The following CDC37 variants were observed in gnomAD, a reference collection of about 807,000 sequenced individuals.
CDC37 encodes cell division cycle 37, HSP90 cochaperone.
In CDC37, 9 loss-of-function variants were observed where a neutral mutation model predicts 46.9. The observed-to-expected ratio is 0.19, with a 90% confidence interval of 0.12 to 0.33. The LOEUF is 0.33. Among genes scored for constraint, CDC37 ranks in the 10% least tolerant of loss-of-function variants. CDC37 has a pLI of 1.00. For synonymous variants in CDC37, 193 were observed against 191.0 expected, an observed-to-expected ratio of 1.01 and a Z score of -0.09; for missense variants, 388 against 514.6, an observed-to-expected ratio of 0.75 and a Z score of 2.38.
At chr19:10,394,039 G>A (rs1218978625) in intron 5 of CDC37, among the ~76,000 whole-genome samples, 2 of 152,102 alleles carry the variant, frequency 1.3e-5, no homozygotes, top group Non-Finnish European at 2.9e-5. Flanking sequence ...GCAGTGAGCC[G>A]AGATCGTGCT....
At position 10,391,419 on chromosome 19, in the gene CDC37, G is replaced by C; in HGVS notation, c.*132C>G. 9.2e-7 allele frequency: 1 copy of C among 1,081,862 alleles called. No individual in the cohort carries two copies. Among genetic ancestry groups the C allele is most frequent in the East Asian group, 2.4e-5 (1 of 42,288 alleles). The allele number at this position is 1,081,862 out of a possible 1,614,324, so 67.0% of individuals were successfully genotyped here. ...GACAGTGGAGAGGCCAGGGAGGGCT[G>C]GGCGGGCCCCCCAGGCTGGGCCGAG... On this transcript the variant is annotated 3_prime_UTR_variant, in exon 8 of 8. Transcript: ENST00000222005.
intron 1 of CDC37, among the ~76,000 whole-genome samples, chr19:10,400,161 CGG>C (rs1555725297): frequency 1.3e-5 from 2 of 151,924 alleles, no homozygotes; most frequent in Non-Finnish European, 2.9e-5. Context: ...CACCTCCTAT[CGG>C]GGAGGGGCTG....
At chr19:10,392,221 T>G (rs565065044) in intron 7 of CDC37, among the ~76,000 whole-genome samples, 1 of 152,250 alleles carries the variant, frequency 6.6e-6, no homozygotes, top group African/African-American at 2.4e-5. Flanking sequence ...GTGAGCCATA[T>G]GGTCTCCATC....
Position 10,393,479 on chromosome 19 carries a change from A to C in CDC37, c.727-38T>G, listed in dbSNP as rs2042470312. 1.3e-5 allele frequency: 20 copies of C among 1,583,464 alleles called. No homozygotes were observed. The highest frequency in any genetic ancestry group is 1.5e-5 in the Non-Finnish European group (17 of 1,165,548). Reference sequence around the variant, plus strand: ...GGCAGTGCTCACTGGACCTGGCCCAACGCTCAGGAGGGACTGGGGGGCCCA... The same window carrying C: ...GGCAGTGCTCACTGGACCTGGCCCACCGCTCAGGAGGGACTGGGGGGCCCA... On this transcript the variant is annotated intron_variant, in intron 5 of 7. Transcript: ENST00000222005. This position sits in a 1 kb window ranked among gnomAD's most constrained non-coding sequence, Gnocchi z 4.9.
At chr19:10,392,867 C>T (rs897565845) in intron 7 of CDC37, 2 of 592,542 alleles carry the variant, frequency 3.4e-6, no homozygotes, top group Non-Finnish European at 6.0e-6. Flanking sequence ...GTGACAGTCA[C>T]GAAGGACATG....
At chr19:10,394,886 A>G in intron 5 of CDC37, 135 bp downstream of exon 5, 2 of 966,012 alleles carry the variant, frequency 2.1e-6, no homozygotes, top group Non-Finnish European at 2.9e-6. Context: ...CCCTGGCCCC[A>G]CCCTCTCCTG....
chr19:10,391,714 G>A lies in CDC37; in HGVS notation c.982-8C>T, dbSNP rs2042458203. On this transcript the variant is annotated splice_polypyrimidine_tract_variant and splice_region_variant and intron_variant, in intron 7 of 7. Transcript: ENST00000222005. ...CATGTGGTACTTTGCGTCCTGTGAG[G>A]AGAAGGCAGGCAGATGAGGTGGGGC... 1.9e-6 allele frequency: 3 copies of A among 1,610,070 alleles called. No homozygotes were observed. The highest frequency in any genetic ancestry group is 2.2e-5 in the South Asian group (2 of 90,970).
At chr19:10,395,904 G>GGGCGCCC in intron 2 of CDC37, 24 bp downstream of exon 2, 1 of 1,541,894 alleles carries the variant, frequency 6.5e-7, no homozygotes, top group Non-Finnish European at 8.9e-7. Flanking sequence ...CATGCGCACT[G>GGGCGCCC]CCCGCCCCGC....
chr19:10,393,440 G>C lies in CDC37; in HGVS notation c.728C>G (p.Thr243Arg), dbSNP rs1475574319. Residue 243 changes from threonine to arginine, a missense_variant and splice_region_variant, in exon 6 of 8, where the codon ACA (threonine) becomes AGA (arginine). Thr to Arg is a moderately conservative substitution (Grantham distance 71). Around this residue, in one of 2 missense-constraint regions of CDC37, gnomAD observed 374 missense variants for 467.4 expected, o/e 0.80. Coordinates refer to ENST00000222005, the MANE Select transcript of CDC37 (RefSeq NM_007065.4). This position sits in a 1 kb window ranked among gnomAD's most constrained non-coding sequence, Gnocchi z 4.9. Reference protein sequence around the residue: ...CFRQFFTKIKTADRQYMEGFN... With the variant: ...CFRQFFTKIKRADRQYMEGFN... ...GCCCTCCATGTACTGGCGATCGGCT[G>C]TCTATGGGGGTTGGGCAGTGCTCAC... 6.8e-6 allele frequency: 11 copies of C among 1,610,128 alleles called. No individual in the cohort carries two copies. Among genetic ancestry groups the C allele is most frequent in the Non-Finnish European group, 8.5e-6 (10 of 1,178,502 alleles).
rs1568355016 is a variant in CDC37, at chr19:10,396,293, G to A, written c.103-90C>T. The A allele has an allele frequency of 1.4e-6, 2 of 1,448,742 alleles. No homozygotes were observed. The highest frequency in any genetic ancestry group is 1.9e-6 in the Non-Finnish European group (2 of 1,069,686). 89.7% of individuals were successfully genotyped at this position (1,448,742 alleles called of 1,614,324 possible). ...AATCCCTGCACCGGAGATGGCCCCA[G>A]GAAAAAGTACGCGTCCACCTCCCGT... On this transcript the variant is annotated intron_variant, in intron 1 of 7. Coordinates refer to ENST00000222005, the MANE Select transcript of CDC37 (RefSeq NM_007065.4). This position sits in a 1 kb window ranked among gnomAD's most constrained non-coding sequence, Gnocchi z 5.9.
intron 1 of CDC37, among the ~76,000 whole-genome samples, chr19:10,399,078 A>G (rs2042505280): frequency 6.6e-6 from 1 of 152,124 alleles, no homozygotes; most frequent in Admixed American, 6.6e-5. Flanking sequence ...CCAGGTTCTA[A>G]GGCAGGGCCA....
intron 1 of CDC37, among the ~76,000 whole-genome samples, chr19:10,401,127 C>A (rs1001243346): frequency 2.0e-5 from 3 of 152,206 alleles, no homozygotes; most frequent in African/African-American, 7.2e-5. Context: ...TCCTTCCAAA[C>A]CTGCCCCAAG....
chr19:10,392,819 G>A (rs1166487379), intron 7 of CDC37: 1 of 549,140 alleles, frequency 1.8e-6, no homozygotes, highest in Admixed American at 3.4e-5. Flanking sequence ...AATGTGGTTT[G>A]GATAAGGAAA....
intron 1 of CDC37, among the ~76,000 whole-genome samples, chr19:10,402,743 G>A (rs2042526366): frequency 6.6e-6 from 1 of 152,184 alleles, no homozygotes; most frequent in African/African-American, 2.4e-5. Flanking sequence ...CAAGTACTCG[G>A]TGAGACTAAG....
rs781528421 is a variant in CDC37, at chr19:10,393,569, T to C, written c.727-128A>G. 17 of 981,906 alleles carry C rather than the reference T, an allele frequency of 1.7e-5. No homozygotes were observed. The highest frequency in any genetic ancestry group is 2.2e-5 in the Non-Finnish European group (15 of 686,080). 60.8% of individuals were successfully genotyped at this position (981,906 alleles called of 1,614,324 possible). ...TCCCCAAGTCTATTCCTGACCTACA[T>C]GAAGGGCTCCCCAAGGCCTGGGCTC... On this transcript the variant is annotated intron_variant, in intron 5 of 7. Transcript: ENST00000222005. The surrounding 1 kb of genome is among the most constrained non-coding windows in gnomAD (Gnocchi z 4.9).
Position 10,396,214 on chromosome 19 carries a change from G to A in CDC37, c.103-11C>T, listed in dbSNP as rs1485106299. 12 of 1,611,332 alleles carry A rather than the reference G, an allele frequency of 7.4e-6. No homozygotes were observed. The highest frequency in any genetic ancestry group is 1.0e-5 in the Non-Finnish European group (12 of 1,178,394). ...GCGTTCCACCCGGGCCTGCGGGCAG[G>A]GACGGCCTATCAACTCTGGGGAGTC... On this transcript the variant is annotated splice_polypyrimidine_tract_variant and intron_variant, in intron 1 of 7. Coordinates refer to ENST00000222005, the MANE Select transcript of CDC37 (RefSeq NM_007065.4). This position sits in a 1 kb window ranked among gnomAD's most constrained non-coding sequence, Gnocchi z 5.9.
Position 10,395,069 on chromosome 19 carries a change from T to A in CDC37, c.678A>T (p.Leu226=). 1 of 1,554,760 alleles carries A rather than the reference T, an allele frequency of 6.4e-7. No individual in the cohort carries two copies. The highest frequency in any genetic ancestry group is 8.7e-7 in the Non-Finnish European group (1 of 1,147,424). ...GGAAGCAGGCCCGGGGGTCCACCTT[T>A]AGGCTCTTGGCCAGCTCCAGGATAA... ...MQFILELAKS[L]KVDPRACFRQ... Residue 226 remains leucine, a synonymous_variant, in exon 5 of 8, where the codon CTA becomes CTT. Coordinates refer to ENST00000222005, the MANE Select transcript of CDC37 (RefSeq NM_007065.4).
intron 7 of CDC37, 45 bp from the exon 8 acceptor site, chr19:10,391,751 G>C (rs2042458514): frequency 6.3e-7 from 1 of 1,599,122 alleles, no homozygotes; most frequent in Admixed American, 1.7e-5. Context: ...GCCAGCCGGT[G>C]GTCCCCGTTG....
In CDC37 at chr19:10,393,005, G is replaced by C. The variant is rs751774992; in HGVS notation, c.981+81C>G. The C allele has an allele frequency of 3.0e-6, 4 of 1,329,046 alleles. No individual in the cohort carries two copies. The allele number at this position is 1,329,046 out of a possible 1,614,324, so 82.3% of individuals were successfully genotyped here. A position where few individuals can be genotyped will look rare whatever the true frequency, so the allele number is the denominator to read the frequency against. On this transcript the variant is annotated intron_variant, in intron 7 of 7. Transcript: ENST00000222005. This position sits in a 1 kb window ranked among gnomAD's most constrained non-coding sequence, Gnocchi z 4.9. ...AAGCCTTGGAGGGGCACTTTCACCA[G>C]CCGGCTTCAGAGACTTGGGACACAG...
Sources: allele counts gnomAD v4.1 joint callset (sites outside exome capture counted in the v4.1 genomes callset), GRCh38; gene constraint gnomAD v4.1.1; regional missense constraint gnomAD v4.1.1; non-coding constraint Gnocchi (gnomAD v3.1); transcripts MANE v1.5; gene names NCBI Gene and HGNC (gene_info 2026-07-23, HGNC 2026-07-21).